The following ZCCHC7 variants were observed in gnomAD, a reference collection of about 807,000 sequenced individuals.
The protein encoded by ZCCHC7 is zinc finger CCHC-type containing 7.
In ZCCHC7, 35 loss-of-function variants were observed where a neutral mutation model predicts 52.0. The ratio of observed to expected loss-of-function variants is 0.67; its 90% CI spans 0.51 to 0.89. ZCCHC7 has a LOEUF of 0.89. Among genes scored for constraint, ZCCHC7 ranks in the 40% least tolerant of loss-of-function variants. The pLI is 0.00. For synonymous variants in ZCCHC7, 217 were observed against 221.5 expected, an observed-to-expected ratio of 0.98 and a Z score of 0.18; for missense variants, 574 against 649.1, an observed-to-expected ratio of 0.88 and a Z score of 1.26.
intron 2 of ZCCHC7, 90 bp from the exon 3 acceptor site, chr9:37,302,098 A>G (rs575254156): frequency 8.4e-6 from 9 of 1,069,996 alleles, no homozygotes; most frequent in African/African-American, 4.7e-5. Flanking sequence ...TTGGGGTCCA[A>G]TTTGAGTACT....
At chr9:37,289,296 C>A (rs1564229824) in intron 2 of ZCCHC7, among the ~76,000 whole-genome samples, 1 of 151,904 alleles carries the variant, frequency 6.6e-6, no homozygotes, top group Non-Finnish European at 1.5e-5. Flanking sequence ...ATTACAGGCG[C>A]CTGCCACCAC....
At chr9:37,152,882 A>G (rs1479303197) in intron 2 of ZCCHC7, among the ~76,000 whole-genome samples, 6 of 152,122 alleles carry the variant, frequency 3.9e-5, no homozygotes, top group Admixed American at 1.3e-4. Context: ...GTTATGCTCT[A>G]CCTTCTTGAG....
chr9:37,205,621 A>G (rs374824638), intron 2 of ZCCHC7, among the ~76,000 whole-genome samples: 3 of 152,312 alleles, frequency 2.0e-5, no homozygotes, highest in South Asian at 2.1e-4. Context: ...GGTTCAAGCA[A>G]TTCTCCTGCC....
At chr9:37,209,331 C>T (rs1165529521) in intron 2 of ZCCHC7, among the ~76,000 whole-genome samples, 5 of 152,118 alleles carry the variant, frequency 3.3e-5, no homozygotes, top group South Asian at 2.1e-4. Context: ...TGAGCCACCA[C>T]GCCTGGCCAT....
intron 2 of ZCCHC7, among the ~76,000 whole-genome samples, chr9:37,223,865 A>G (rs2029646): frequency 0.23 from 34,343 of 151,960 alleles, 4,316 homozygotes; most frequent in African/African-American, 0.34. Context: ...TTATGATTTA[A>G]CAAGTGAAAA....
intron 2 of ZCCHC7, among the ~76,000 whole-genome samples, chr9:37,174,669 TGATGGTACCCTTCAGTA>T (rs1821920907): frequency 6.6e-6 from 1 of 152,234 alleles, no homozygotes; most frequent in African/African-American, 2.4e-5. Flanking sequence ...TCCTAGTAGC[TGATGGTACCCTTCAGTA>T]GAAAAGGAGG....
Position 37,126,557 on chromosome 9 carries a change from C to T in ZCCHC7, c.225C>T (p.Ile75=), listed in dbSNP as rs1007859614. Residue 75 remains isoleucine, a synonymous_variant, in exon 2 of 9, where the codon ATC becomes ATT. Transcript: ENST00000336755. The part of the protein sequence containing the change: ...SSSKPNQKKL[I]VLSDSEVIQL... Reference sequence around the variant, plus strand: ...GTAAACCAAATCAGAAGAAGCTAATCGTCCTTTCAGATAGTGAGGTCATCC... The same window carrying T: ...GTAAACCAAATCAGAAGAAGCTAATTGTCCTTTCAGATAGTGAGGTCATCC... 1.3e-5 allele frequency: 21 copies of T among 1,613,952 alleles called. No homozygotes were observed. Among genetic ancestry groups the T allele is most frequent in the South Asian group, 3.3e-5 (3 of 91,082 alleles).
chr9:37,217,230 A>G (rs1824553660), intron 2 of ZCCHC7, among the ~76,000 whole-genome samples: 2 of 152,192 alleles, frequency 1.3e-5, no homozygotes, highest in Non-Finnish European at 2.9e-5. Flanking sequence ...TCTTAACAGT[A>G]TCCGTGAAAA....
intron 2 of ZCCHC7, among the ~76,000 whole-genome samples, chr9:37,284,600 A>T (rs1828124164): frequency 2.4e-5 from 1 of 40,862 alleles, no homozygotes; most frequent in Non-Finnish European, 6.8e-5. Context: ...TAAATGGTTA[A>T]AAAAAAAATG....
chr9:37,237,384 G>A (rs930053120), intron 2 of ZCCHC7, among the ~76,000 whole-genome samples: 1 of 152,186 alleles, frequency 6.6e-6, no homozygotes, highest in African/African-American at 2.4e-5. Context: ...AAGGTTTCAT[G>A]AATAGATAGT....
chr9:37,192,207 G>C (rs1823055136), intron 2 of ZCCHC7, among the ~76,000 whole-genome samples: 1 of 152,210 alleles, frequency 6.6e-6, no homozygotes, highest in Admixed American at 6.5e-5. Flanking sequence ...CTCCAACATA[G>C]TGGACATGGT....
intron 6 of ZCCHC7, among the ~76,000 whole-genome samples, chr9:37,347,692 C>CT (rs939779934): frequency 5.3e-5 from 8 of 151,988 alleles, no homozygotes; most frequent in Non-Finnish European, 1.0e-4. Context: ...GTAATGATTT[C>CT]TTTGCTCTTT....
chr9:37,218,888 G>C (rs923858362), intron 2 of ZCCHC7, among the ~76,000 whole-genome samples: 2 of 151,844 alleles, frequency 1.3e-5, no homozygotes, highest in African/African-American at 4.8e-5. Context: ...CGTCTAGTGG[G>C]CAGCTCTGTA....
At chr9:37,332,375 C>A (rs1005429251) in intron 6 of ZCCHC7, among the ~76,000 whole-genome samples, 4 of 151,058 alleles carry the variant, frequency 2.6e-5, no homozygotes, top group African/African-American at 4.8e-5. Flanking sequence ...TTTGAATAAG[C>A]ATTGATGACT....
At chr9:37,148,565 G>C (rs1375998161) in intron 2 of ZCCHC7, among the ~76,000 whole-genome samples, 2 of 151,860 alleles carry the variant, frequency 1.3e-5, no homozygotes, top group East Asian at 3.9e-4. Context: ...TTTTTATTTT[G>C]ATGTTAAAAA....
intron 2 of ZCCHC7, among the ~76,000 whole-genome samples, chr9:37,245,316 C>G (rs928293593): frequency 2.6e-5 from 4 of 151,836 alleles, no homozygotes; most frequent in African/African-American, 9.7e-5. Flanking sequence ...TATTCTAGTA[C>G]TTTAAAGAAG....
chr9:37,172,177 G>A (rs1486980617), intron 2 of ZCCHC7, among the ~76,000 whole-genome samples: 2 of 152,130 alleles, frequency 1.3e-5, no homozygotes, highest in Non-Finnish European at 1.5e-5. Flanking sequence ...ATGTTATTTC[G>A]TTTAGATTCT....
chr9:37,187,984 G>A (rs1822755249), intron 2 of ZCCHC7, among the ~76,000 whole-genome samples: 1 of 152,050 alleles, frequency 6.6e-6, no homozygotes, highest in African/African-American at 2.4e-5. Flanking sequence ...TGTGAGTAAT[G>A]CAAGTGAAAC....
At chr9:37,212,903 C>CT (rs1383073111) in intron 2 of ZCCHC7, among the ~76,000 whole-genome samples, 1 of 152,086 alleles carries the variant, frequency 6.6e-6, no homozygotes, top group Non-Finnish European at 1.5e-5. Flanking sequence ...ACAGACTTCT[C>CT]TGAGACATAC....
Sources: allele counts gnomAD v4.1 joint callset (sites outside exome capture counted in the v4.1 genomes callset), GRCh38; gene constraint gnomAD v4.1.1; transcripts MANE v1.5; gene names NCBI Gene and HGNC (gene_info 2026-07-23, HGNC 2026-07-21).